FSTL4: variants seen among roughly 807,000 people sequenced by gnomAD.
The protein encoded by FSTL4 is follistatin-related protein 4.
In FSTL4, 28 loss-of-function variants were observed where a neutral mutation model predicts 78.2. The observed-to-expected ratio is 0.36, with a 90% CI of 0.27 to 0.49. The LOEUF is 0.49. Among genes scored for constraint, FSTL4 ranks in the 20% least tolerant of loss-of-function variants. The pLI is 0.98. For missense variants in FSTL4, 922 were observed against 1,084.9 expected (o/e 0.85, Z 2.11); for synonymous variants, 422 against 440.5 (o/e 0.96, Z 0.53).
the FSTL4 span, among the ~76,000 whole-genome samples, chr5:133,791,754 G>T: frequency 2.0e-5 from 3 of 152,314 alleles, no homozygotes; most frequent in Admixed American, 1.3e-4. Flanking sequence ...CTAGGCCTCC[G>T]CCAAGGGCAG....
chr5:133,650,855 A>T, the FSTL4 span, among the ~76,000 whole-genome samples: 6 of 152,196 alleles, frequency 3.9e-5, no homozygotes, highest in Non-Finnish European at 5.9e-5. Context: ...TAACGTCTTG[A>T]CTATGTTGAG....
intron 3 of FSTL4, among the ~76,000 whole-genome samples, chr5:133,514,541 T>C (rs1277070120): frequency 3.9e-5 from 6 of 152,176 alleles, no homozygotes; most frequent in Non-Finnish European, 7.3e-5. Flanking sequence ...GAGTTTCCAC[T>C]ACACACAGAC....
chr5:133,227,736 C>G (rs1751378244), intron 8 of FSTL4, among the ~76,000 whole-genome samples: 1 of 152,090 alleles, frequency 6.6e-6, no homozygotes, highest in African/African-American at 2.4e-5. Flanking sequence ...ATGAATGAAT[C>G]AACCAGAAAG....
In FSTL4 at chr5:133,202,036, T is replaced by G. The variant is rs1330696855; in HGVS notation, c.1723A>C (p.Thr575Pro). The G allele has an allele frequency of 4.4e-6, 7 of 1,604,912 alleles. No homozygotes were observed. Among genetic ancestry groups the G allele is most frequent in the Non-Finnish European group, 5.1e-6 (6 of 1,174,028 alleles). The change falls in exon 15 of 16, where the codon ACA (threonine) becomes CCA (proline). Residue 575 changes from threonine (T) to proline (P), a missense_variant. Physicochemically the swap from Thr to Pro is conservative, Grantham distance 38. Transcript: ENST00000265342. ...TGGCTCTGGCCGGTGCTGGCTTCTG[T>G]GATCACCTACAACACAGAGTGGGAA... ...HKSRPSLQVITEASTGQSQHL... is the reference protein window; with the variant it reads ...HKSRPSLQVIPEASTGQSQHL...
chr5:133,627,151 C>CTTTTTTTTTTTTTTTTTT, the FSTL4 span, among the ~76,000 whole-genome samples: 1 of 93,020 alleles, frequency 1.1e-5, no homozygotes, highest in Non-Finnish European at 2.0e-5. Context: ...CTCTGTGTCT[C>CTTTTTTTTTTTTTTTTTT]TTTTTTTTTT....
At chr5:133,396,178 C>G (rs547724466) in intron 4 of FSTL4, among the ~76,000 whole-genome samples, 1 of 152,238 alleles carries the variant, frequency 6.6e-6, no homozygotes, top group Admixed American at 6.5e-5. Flanking sequence ...CAGCTTGTTG[C>G]ATCTGCTCCT....
chr5:133,731,108 G>T, the FSTL4 span, among the ~76,000 whole-genome samples: 1 of 152,094 alleles, frequency 6.6e-6, no homozygotes, highest in African/African-American at 2.4e-5. Context: ...AAGGGGTAAA[G>T]AAACACTGGG....
the FSTL4 span, among the ~76,000 whole-genome samples, chr5:133,712,188 C>T: frequency 2.0e-5 from 3 of 152,210 alleles, no homozygotes; most frequent in East Asian, 1.9e-4. Context: ...TTTATGCAGA[C>T]GTTTCCCATT....
chr5:133,826,980 C>G, the FSTL4 span, among the ~76,000 whole-genome samples: 1 of 152,250 alleles, frequency 6.6e-6, no homozygotes, highest in African/African-American at 2.4e-5. Flanking sequence ...CTCCTCCCCT[C>G]TCACCACAGA....
the FSTL4 span, among the ~76,000 whole-genome samples, chr5:133,646,296 A>C: frequency 2.6e-5 from 4 of 152,144 alleles, no homozygotes; most frequent in Non-Finnish European, 5.9e-5. Context: ...AAAGGAGAAA[A>C]TAAGTCAAAG....
At chr5:133,743,951 T>C in the FSTL4 span, among the ~76,000 whole-genome samples, 1 of 152,222 alleles carries the variant, frequency 6.6e-6, no homozygotes, top group Admixed American at 6.5e-5. Context: ...TATAAATGTT[T>C]CTACTCCCTG....
chr5:133,255,092 T>C (rs1752352566), intron 6 of FSTL4, among the ~76,000 whole-genome samples: 2 of 152,228 alleles, frequency 1.3e-5, no homozygotes, highest in African/African-American at 2.4e-5. Context: ...TTAGCCACTA[T>C]GTGGGAAGGT....
intron 2 of FSTL4, among the ~76,000 whole-genome samples, chr5:133,570,193 C>T (rs1427228779): frequency 1.3e-5 from 2 of 149,946 alleles, no homozygotes; most frequent in Admixed American, 6.6e-5. Flanking sequence ...TGGGAGACAG[C>T]GAGACTCCGT....
the FSTL4 span, among the ~76,000 whole-genome samples, chr5:133,647,518 C>T: frequency 6.6e-6 from 1 of 152,170 alleles, no homozygotes; most frequent in Non-Finnish European, 1.5e-5. Flanking sequence ...ATATTGAAGT[C>T]CTAGATAAGA....
intron 4 of FSTL4, among the ~76,000 whole-genome samples, chr5:133,328,925 G>A (rs1754276980): frequency 6.6e-6 from 1 of 152,206 alleles, no homozygotes; most frequent in Non-Finnish European, 1.5e-5. Flanking sequence ...TTTGCTCAGC[G>A]TCAGCGAGGC....
At chr5:133,550,909 T>C (rs1759679318) in intron 3 of FSTL4, among the ~76,000 whole-genome samples, 1 of 152,154 alleles carries the variant, frequency 6.6e-6, no homozygotes, top group Non-Finnish European at 1.5e-5. Context: ...TGAGCGATGA[T>C]TTTCTTGTCC....
At chr5:133,267,430 G>A (rs952495657) in intron 6 of FSTL4, among the ~76,000 whole-genome samples, 1 of 152,160 alleles carries the variant, frequency 6.6e-6, no homozygotes, top group African/African-American at 2.4e-5. Context: ...AGCCGCATAA[G>A]CCCCACAGGG....
At chr5:133,463,744 T>A (rs1343901015) in intron 3 of FSTL4, among the ~76,000 whole-genome samples, 1 of 152,188 alleles carries the variant, frequency 6.6e-6, no homozygotes, top group African/African-American at 2.4e-5. Flanking sequence ...TATCCTGGCA[T>A]AGATGACTGA....
At chr5:133,504,963 T>G (rs937456628) in intron 3 of FSTL4, among the ~76,000 whole-genome samples, 2 of 152,244 alleles carry the variant, frequency 1.3e-5, no homozygotes, top group African/African-American at 2.4e-5. Flanking sequence ...TGGTCATTGT[T>G]GTATTTTCAC....
Sources: gnomAD v4.1 joint callset for allele counts (sites outside exome capture counted in the v4.1 genomes callset) on GRCh38, gnomAD v4.1.1 for gene constraint, MANE v1.5 for transcripts, NCBI Gene and HGNC (gene_info 2026-07-23, HGNC 2026-07-21) for gene names.